PRMT7: variants seen among roughly 807,000 people sequenced by gnomAD.
PRMT7 encodes protein arginine methyltransferase 7, also known as protein arginine N-methyltransferase 7.
In PRMT7, 75 loss-of-function variants were observed where a neutral mutation model predicts 85.4. That is an observed-to-expected ratio of 0.88 (90% CI 0.73 to 1.06). The LOEUF (loss-of-function observed/expected upper bound fraction) is 1.06. Ranked by LOEUF, PRMT7 falls within the 50% of genes least tolerant of loss-of-function variation. The probability of loss-of-function intolerance (pLI) is 0.00; values close to 1 mark genes in which losing one functional copy is unlikely to be tolerated. For missense variants in PRMT7, 868 were observed against 915.2 expected (o/e 0.95, Z 0.67); for synonymous variants, 397 against 359.5 (o/e 1.10, Z -1.18).
chr16:68,313,068 A>G (rs548931094), intron 2 of PRMT7, among the ~76,000 whole-genome samples: 2 of 152,238 alleles, frequency 1.3e-5, no homozygotes, highest in East Asian at 1.9e-4. Flanking sequence ...CAGGTGATCC[A>G]CCTGCTTTGG....
downstream of PRMT7, chr16:68,358,938 G>C (rs1286009988): frequency 6.6e-6 from 1 of 152,654 alleles, no homozygotes; most frequent in African/African-American, 2.4e-5. Flanking sequence ...GGTGCTGAGG[G>C]AGGTGTGCGG....
intron 3 of PRMT7, among the ~76,000 whole-genome samples, chr16:68,319,575 A>G (rs567572211): frequency 6.8e-6 from 1 of 147,516 alleles, no homozygotes; most frequent in Non-Finnish European, 1.5e-5. Flanking sequence ...CAGATATAAA[A>G]CCTTGATGTG....
At chr16:68,311,870 T>C (rs1172205730) in intron 1 of PRMT7, 172 bp from the exon 2 acceptor site, 2 of 152,184 alleles carry the variant, frequency 1.3e-5, no homozygotes, top group African/African-American at 2.4e-5. Flanking sequence ...CAACGCTCTG[T>C]GTATTTCTTG....
chr16:68,352,710 G>T, intron 15 of PRMT7: 1 of 226,438 alleles, frequency 4.4e-6, no homozygotes, highest in Admixed American at 5.6e-5. Flanking sequence ...GGCCTGCTCT[G>T]CTCTCATTAA....
At chr16:68,359,503 G>C (rs536417578), downstream of PRMT7, 1 of 152,764 alleles carries the variant, frequency 6.5e-6, no homozygotes, top group Non-Finnish European at 1.5e-5. Flanking sequence ...GCTCTGCAGC[G>C]TTGTCTGCCC....
At position 68,339,432 on chromosome 16, in the gene PRMT7, C is replaced by A. The variant is rs552097027; in HGVS notation, c.615C>A (p.Leu205=). 3 of 1,614,176 alleles carry A rather than the reference C, an allele frequency of 1.9e-6. No homozygotes were observed. In the South Asian group the frequency reaches 3.3e-5, roughly 18 times the overall value. Residue 205 remains leucine, a synonymous_variant, in exon 8 of 19, where the codon CTC becomes CTA. Coordinates refer to ENST00000441236, the MANE Select transcript of PRMT7 (RefSeq NM_019023.5). ...TTCCCATCCACGTGCAGACCAGCCTCGGAGAGCAGGTCATCGTCCCTCCCG... is the reference window on the plus strand; with the variant it reads ...TTCCCATCCACGTGCAGACCAGCCTAGGAGAGCAGGTCATCGTCCCTCCCG... The part of the protein sequence containing the change: ...KLFPIHVQTS[L]GEQVIVPPVD...
chr16:68,338,347 G>C (rs1597346168), intron 7 of PRMT7, among the ~76,000 whole-genome samples: 1 of 152,074 alleles, frequency 6.6e-6, no homozygotes. Flanking sequence ...GGTGCTTCCT[G>C]TTGACGGGGA....
At chr16:68,335,929 A>G (rs2084621277) in intron 6 of PRMT7, among the ~76,000 whole-genome samples, 1 of 151,938 alleles carries the variant, frequency 6.6e-6, no homozygotes, top group Non-Finnish European at 1.5e-5. Flanking sequence ...GGCACCCATC[A>G]CCACGCCTGG....
intron 16 of PRMT7, 28 bp downstream of exon 16, chr16:68,353,594 C>T (rs1164228354): frequency 9.3e-6 from 14 of 1,513,408 alleles, no homozygotes; most frequent in African/African-American, 1.4e-5. Context: ...CTGCATAGTA[C>T]CCCCGACCTG....
At chr16:68,332,993 T>G (rs2151625748) in intron 6 of PRMT7, among the ~76,000 whole-genome samples, 1 of 152,182 alleles carries the variant, frequency 6.6e-6, no homozygotes, top group South Asian at 2.1e-4. Flanking sequence ...TGGAGATTGA[T>G]TCATTTATTT....
intron 3 of PRMT7, among the ~76,000 whole-genome samples, chr16:68,320,377 C>A (rs555145983): frequency 6.6e-6 from 1 of 152,310 alleles, no homozygotes; most frequent in East Asian, 1.9e-4. Flanking sequence ...ACGAACAGAA[C>A]TTTACCTACA....
At chr16:68,348,524 C>A in intron 14 of PRMT7, 93 bp downstream of exon 14, 2 of 986,228 alleles carry the variant, frequency 2.0e-6, no homozygotes, top group Non-Finnish European at 3.0e-6. Context: ...TCCCTGGAGT[C>A]TCACAGTGGG....
At chr16:68,325,008 G>A (rs570281184) in intron 5 of PRMT7, 176 bp downstream of exon 5, 43 of 751,154 alleles carry the variant, frequency 5.7e-5, no homozygotes, top group Non-Finnish European at 7.6e-5. Flanking sequence ...TCCTCCAGGA[G>A]CTAATTTTCT....
intron 10 of PRMT7, 151 bp downstream of exon 10, chr16:68,345,953 C>G: frequency 7.4e-7 from 1 of 1,347,128 alleles, no homozygotes; most frequent in Non-Finnish European, 1.0e-6. Context: ...TGTCAGTGCC[C>G]ATTCGTGTGT....
intron 1 of PRMT7, 148 bp downstream of exon 1, chr16:68,311,247 G>T: frequency 2.2e-6 from 1 of 462,768 alleles, no homozygotes. Flanking sequence ...GGACACCCGG[G>T]CCTGCAGGAG....
At chr16:68,353,400 C>T (rs538912940) in intron 15 of PRMT7, 92 bp from the exon 16 acceptor site, 2 of 1,589,612 alleles carry the variant, frequency 1.3e-6, no homozygotes, top group African/African-American at 1.3e-5. Flanking sequence ...TTCAGGTGTG[C>T]AGGGAACAGC....
chr16:68,328,990 G>A (rs1332988747), intron 5 of PRMT7, 76 bp from the exon 6 acceptor site: 2 of 981,722 alleles, frequency 2.0e-6, no homozygotes, highest in Non-Finnish European at 3.2e-6. Context: ...TCAAGGAATA[G>A]CTTGCTCACC....
intron 2 of PRMT7, among the ~76,000 whole-genome samples, chr16:68,315,002 G>T (rs1376937622): frequency 6.6e-6 from 1 of 151,860 alleles, no homozygotes; most frequent in Non-Finnish European, 1.5e-5. Flanking sequence ...TATTAGCTGG[G>T]TGTGGGGCAC....
At chr16:68,315,816 A>T in intron 2 of PRMT7, 81 bp from the exon 3 acceptor site, 1 of 631,884 alleles carries the variant, frequency 1.6e-6, no homozygotes, top group Non-Finnish European at 2.8e-6. Flanking sequence ...CCCCCTCCAC[A>T]TTTTGGGGCA....
Sources: allele counts gnomAD v4.1 joint callset (sites outside exome capture counted in the v4.1 genomes callset), GRCh38; gene constraint gnomAD v4.1.1; transcripts MANE v1.5; gene names NCBI Gene and HGNC (gene_info 2026-07-23, HGNC 2026-07-21).